N4BP2L2: variants seen among roughly 807,000 people sequenced by gnomAD.
N4BP2L2 encodes NEDD4 binding protein 2 like 2, also known as NEDD4-binding protein 2-like 2.
In N4BP2L2, 50 loss-of-function variants were observed where a neutral mutation model predicts 56.2. The ratio of observed to expected loss-of-function variants is 0.89; its 90% confidence interval spans 0.71 to 1.13. N4BP2L2 has a LOEUF of 1.13. Ranked by LOEUF, N4BP2L2 falls within the 50% of genes most tolerant of loss-of-function variation. The pLI, the probability that N4BP2L2 is intolerant of heterozygous loss-of-function variation, is 0.00. For synonymous variants in N4BP2L2, 203 were observed against 223.6 expected (o/e 0.91, Z 0.82); for missense variants, 689 against 693.8 (o/e 0.99, Z 0.08).
At chr13:32,494,378 C>T (rs1029237526) in intron 6 of N4BP2L2, among the ~76,000 whole-genome samples, 11 of 152,092 alleles carry the variant, frequency 7.2e-5, no homozygotes, top group Admixed American at 2.0e-4. Flanking sequence ...CATGTTAATA[C>T]CATCAAATAG....
chr13:32,523,617 G>A (rs1273423114), intron 3 of N4BP2L2: 1 of 142,404 alleles, frequency 7.0e-6, no homozygotes, highest in African/African-American at 3.1e-5. Context: ...CTGGGAGGCG[G>A]AGGTTGCAGT....
At chr13:32,526,459 T>C in intron 3 of N4BP2L2, among the ~76,000 whole-genome samples, 1 of 152,154 alleles carries the variant, frequency 6.6e-6, no homozygotes, top group Middle Eastern at 3.4e-3. Context: ...ATGTATAAAG[T>C]ATGATGTCTA....
At chr13:32,519,031 T>A (rs2050023234) in intron 5 of N4BP2L2, among the ~76,000 whole-genome samples, 1 of 152,114 alleles carries the variant, frequency 6.6e-6, no homozygotes, top group Non-Finnish European at 1.5e-5. Context: ...TTTATTTATC[T>A]TGGAAAAAGG....
chr13:32,492,273 ATTTTTTTTTTTT>A lies in N4BP2L2; in HGVS notation c.365+25572_365+25583del, dbSNP rs72053635. Among the ~76,000 whole-genome samples, 416 of 72,154 alleles carry A rather than the reference ATTTTTTTTTTTT, an allele frequency of 5.8e-3. 6 individuals carry two copies. The highest frequency in any genetic ancestry group is 0.031 in the Middle Eastern group (2 of 64). 47.3% of individuals were successfully genotyped at this position (72,154 alleles called of 152,430 possible). A position where few individuals can be genotyped will look rare whatever the true frequency, so the allele number is the denominator to read the frequency against. ...TTTCTACACATCCCAAAACACCAAA[ATTTTTTTTTTTT>A]TTTTTTTTTTTTTTTGACACAGAGT... On this transcript the variant is annotated intron_variant, in intron 6 of 9. Transcript: ENST00000357505.
At chr13:32,476,551 C>G (rs2083359105) in intron 6 of N4BP2L2, among the ~76,000 whole-genome samples, 1 of 152,166 alleles carries the variant, frequency 6.6e-6, no homozygotes, top group Non-Finnish European at 1.5e-5. Context: ...CAGGCTGGTA[C>G]TGCTGCCAGG....
chr13:32,476,755 T>C (rs148045352), intron 6 of N4BP2L2, among the ~76,000 whole-genome samples: 2 of 152,174 alleles, frequency 1.3e-5, no homozygotes, highest in Admixed American at 1.3e-4. Context: ...ATACAGCATG[T>C]AAAATAACCA....
At chr13:32,451,716 A>ATT (rs780502313) in intron 6 of N4BP2L2, among the ~76,000 whole-genome samples, 229 of 133,048 alleles carry the variant, frequency 1.7e-3, no homozygotes, top group African/African-American at 5.9e-3. Context: ...CTGCCCAGCT[A>ATT]TTTTTTTTTT....
At chr13:32,462,368 T>C (rs1050241448) in intron 6 of N4BP2L2, among the ~76,000 whole-genome samples, 18 of 152,152 alleles carry the variant, frequency 1.2e-4, no homozygotes, top group Admixed American at 5.2e-4. Flanking sequence ...ATGTTCTCAT[T>C]CATACATGGA....
exon 7 of N4BP2L2, chr13:32,443,260 A>G: frequency 1.2e-6 from 2 of 1,613,944 alleles, no homozygotes; most frequent in South Asian, 1.1e-5. Context: ...TGATGCTGCC[A>G]CCGAAGTGAA....
intron 6 of N4BP2L2, chr13:32,477,306 C>T (rs1281436431): frequency 9.3e-6 from 2 of 215,596 alleles, no homozygotes. Context: ...GCAAAAACTT[C>T]ATCAGCACGG....
chr13:32,493,312 C>A (rs1225910038), intron 6 of N4BP2L2, among the ~76,000 whole-genome samples: 4 of 151,918 alleles, frequency 2.6e-5, no homozygotes, highest in Non-Finnish European at 5.9e-5. Context: ...GTTCTCATGC[C>A]TCTATCTATT....
intron 6 of N4BP2L2, chr13:32,504,854 C>G (rs556276586): frequency 8.5e-5 from 13 of 152,364 alleles, no homozygotes; most frequent in African/African-American, 3.1e-4. Flanking sequence ...ACTGGTGAGA[C>G]AGGCATAGGA....
At chr13:32,452,009 T>A (rs2078121908) in intron 6 of N4BP2L2, among the ~76,000 whole-genome samples, 1 of 152,088 alleles carries the variant, frequency 6.6e-6, no homozygotes, top group Non-Finnish European at 1.5e-5. Flanking sequence ...ATGCATAATT[T>A]TCCGGAGAAA....
At chr13:32,521,349 T>C in intron 5 of N4BP2L2, 24 bp downstream of exon 5, 1 of 1,503,930 alleles carries the variant, frequency 6.6e-7, no homozygotes, top group South Asian at 1.2e-5. Flanking sequence ...AGTTAAGGAT[T>C]CAATAAAAAT....
intron 6 of N4BP2L2, among the ~76,000 whole-genome samples, chr13:32,464,775 A>G (rs1566068209): frequency 6.6e-6 from 1 of 152,202 alleles, no homozygotes; most frequent in Non-Finnish European, 1.5e-5. Flanking sequence ...AGATAAAATA[A>G]CTAAATAGCA....
At chr13:32,436,785 CAAAAAAAA>C (rs1174354861) in intron 8 of N4BP2L2, among the ~76,000 whole-genome samples, 6 of 44,992 alleles carry the variant, frequency 1.3e-4, no homozygotes, top group South Asian at 2.3e-3. Context: ...GTGTGACTGT[CAAAAAAAA>C]AAAAAAAAAA....
intron 6 of N4BP2L2, among the ~76,000 whole-genome samples, chr13:32,474,393 A>G (rs1289431035): frequency 6.6e-6 from 1 of 152,142 alleles, no homozygotes; most frequent in Non-Finnish European, 1.5e-5. Context: ...TACATATGAT[A>G]GAAATGTACT....
chr13:32,532,151 T>C (rs1229034176), intron 2 of N4BP2L2, among the ~76,000 whole-genome samples: 1 of 152,198 alleles, frequency 6.6e-6, no homozygotes, highest in Non-Finnish European at 1.5e-5. Flanking sequence ...TAACGCAACA[T>C]ATGCACAGGT....
chr13:32,435,965 TC>T, intron 9 of N4BP2L2, among the ~76,000 whole-genome samples: 1 of 152,244 alleles, frequency 6.6e-6, no homozygotes, highest in Non-Finnish European at 1.5e-5. Context: ...CATGAGTTTG[TC>T]TATATGTTTT....
Sources: gnomAD v4.1 joint callset for allele counts (sites outside exome capture counted in the v4.1 genomes callset) on GRCh38, gnomAD v4.1.1 for gene constraint, MANE v1.5 for transcripts, NCBI Gene and HGNC (gene_info 2026-07-23, HGNC 2026-07-21) for gene names.